Variants in WFS1 observed in about 807,000 individuals in gnomAD.
WFS1 encodes the protein wolframin.
A neutral mutation model predicts 68.5 loss-of-function variants in WFS1; 90 were observed. That is an observed-to-expected ratio of 1.31 (90% CI 1.11 to 1.56). The LOEUF is 1.56. WFS1 is among the 40% of genes most tolerant of loss of function. The pLI is 0.00. For missense variants in WFS1, 1,767 were observed against 1,232.6 expected, an observed-to-expected ratio of 1.43 and a Z score of -6.49; for synonymous variants, 860 against 540.7, an observed-to-expected ratio of 1.59 and a Z score of -8.19.
chr4:6,274,128 G>T (rs535675811), intron 1 of WFS1, among the ~76,000 whole-genome samples: 1 of 151,642 alleles, frequency 6.6e-6, no homozygotes, highest in African/African-American at 2.4e-5. Context: ...CTCACTGCAA[G>T]CTCCATCTCC....
At position 6,300,714 on chromosome 4, in the gene WFS1, G is replaced by C; in HGVS notation, c.919G>C (p.Ala307Pro). Residue 307 changes from alanine to proline, a missense_variant, in exon 8 of 8, where the codon GCC becomes CCC. By Grantham distance (27) the Ala-to-Pro change is conservative. Transcript: ENST00000226760. ...MEIKEYLIDMASRAGMHWLST... is the reference protein window; with the variant it reads ...MEIKEYLIDMPSRAGMHWLST... ...GATCAAGGAGTACCTGATTGACATG[G>C]CCTCCAGGGCAGGCATGCACTGGCT... 1 of 1,614,030 alleles carries C rather than the reference G, an allele frequency of 6.2e-7. No homozygotes were observed. The highest frequency in any genetic ancestry group is 8.5e-7 in the Non-Finnish European group (1 of 1,179,972).
chr4:6,301,934 C>T lies in WFS1; in HGVS notation c.2139C>T (p.Asp713=). Residue 713 remains aspartate (D), a synonymous_variant, in exon 8 of 8, where the codon GAC becomes GAT. Transcript: ENST00000226760. The stretch of plus-strand genomic sequence containing the variant: ...AGTACGTCCGCGTGACTGACATCGA[C>T]AACAGCGCCGAGTCTGCCATCAACA... ...RFKYVRVTDI[D]NSAESAINML... The T allele has an allele frequency of 1.2e-6, 2 of 1,612,924 alleles. No individual in the cohort carries two copies. The highest frequency in any genetic ancestry group is 8.5e-7 in the Non-Finnish European group (1 of 1,179,962).
intron 7 of WFS1, among the ~76,000 whole-genome samples, chr4:6,299,246 T>C (rs1730753741): frequency 6.6e-6 from 1 of 152,204 alleles, no homozygotes; most frequent in Non-Finnish European, 1.5e-5. Context: ...CTTCACCCCA[T>C]CCTGAGGCTG....
intron 6 of WFS1, chr4:6,294,812 G>C (rs1399908533): frequency 5.1e-6 from 3 of 592,854 alleles, no homozygotes; most frequent in Admixed American, 5.5e-5. Flanking sequence ...ACACCCAGGG[G>C]CCGGGGGCCA....
In WFS1 at chr4:6,277,544, C is replaced by T; in HGVS notation, c.89C>T (p.Thr30Ile). 2 of 1,589,720 alleles carry T rather than the reference C, an allele frequency of 1.3e-6. No homozygotes were observed. The highest frequency in any genetic ancestry group is 1.7e-6 in the Non-Finnish European group (2 of 1,168,774). ...QPQARSRLNATASLEQERSER... is the reference protein window; with the variant it reads ...QPQARSRLNAIASLEQERSER... ...CAGGCGCGTTCCCGACTCAATGCCA[C>T]AGCCTCGTTGGAGCAGGAGAGGAGC... is the stretch of plus-strand genomic sequence containing the variant. The change falls in exon 2 of 8, where the codon ACA becomes ATA. Residue 30 changes from threonine (T) to isoleucine (I), a missense_variant. By Grantham distance (89) the Thr-to-Ile change is moderately conservative. Coordinates refer to ENST00000226760, the MANE Select transcript of WFS1 (RefSeq NM_006005.3).
rs765196364 is a variant in WFS1 at position 6,300,914 on chromosome 4, C to A, written c.1119C>A (p.Asn373Lys). ...TCCAGGACAGCAAGGCCTGGGAGAA[C>A]TTCCGCACCCTCACCGACCTGCTGC... Reference protein sequence around the residue: ...KVFQDSKAWENFRTLTDLLLR... With the variant: ...KVFQDSKAWEKFRTLTDLLLR... Residue 373 changes from asparagine (N) to lysine (K), a missense_variant, in exon 8 of 8, where the codon AAC becomes AAA. Asn to Lys is a moderately conservative substitution (Grantham distance 94). Transcript: ENST00000226760. 1.8e-5 allele frequency: 29 copies of A among 1,614,204 alleles called. No homozygotes were observed. The highest frequency in any genetic ancestry group is 2.5e-5 in the Non-Finnish European group (29 of 1,180,030).
intron 2 of WFS1, among the ~76,000 whole-genome samples, chr4:6,279,807 G>A (rs1196258255): frequency 1.3e-5 from 2 of 152,354 alleles, no homozygotes; most frequent in African/African-American, 4.8e-5. Flanking sequence ...CCCCATCTGA[G>A]CTGCTCCTTG....
In WFS1 at chr4:6,277,584, A is replaced by T. The variant is rs566876793; in HGVS notation, c.129A>T (p.Ala43=). The stretch of plus-strand genomic sequence containing the variant: ...AGGAGAGGAGCGAAAGGCCCCGAGC[A>T]CCCGGACCCCAGGCTGGCCCTGGCC... ...LEQERSERPR[A]PGPQAGPGPG... is the part of the protein sequence containing the mutation. The change falls in exon 2 of 8, where the codon GCA becomes GCT. Residue 43 remains alanine, a synonymous_variant. Coordinates refer to ENST00000226760, the MANE Select transcript of WFS1 (RefSeq NM_006005.3). 1.4e-4 allele frequency: 219 copies of T among 1,582,148 alleles called. No individual in the cohort carries two copies. Among genetic ancestry groups the T allele is most frequent in the Non-Finnish European group, 1.8e-4 (214 of 1,164,598 alleles).
In WFS1 at chr4:6,300,824, C is replaced by G; in HGVS notation, c.1029C>G (p.Phe343Leu). ...ACCTCACCATCGACTTCTTCGCCTT[C>G]TTCATCCCGCTGGTCATCTTCTACC... Reference protein sequence around the residue: ...VSNLTIDFFAFFIPLVIFYLS... With the variant: ...VSNLTIDFFALFIPLVIFYLS... The change falls in exon 8 of 8, where the codon TTC becomes TTG. Residue 343 changes from phenylalanine (F) to leucine (L), a missense_variant. Coordinates refer to ENST00000226760, the MANE Select transcript of WFS1 (RefSeq NM_006005.3). 1.2e-6 allele frequency: 2 copies of G among 1,614,062 alleles called. No homozygotes were observed. Among genetic ancestry groups the G allele is most frequent in the Non-Finnish European group, 1.7e-6 (2 of 1,179,946 alleles).
At chr4:6,286,379 C>G (rs1002040806) in intron 2 of WFS1, among the ~76,000 whole-genome samples, 4 of 152,172 alleles carry the variant, frequency 2.6e-5, no homozygotes, top group African/African-American at 9.7e-5. Context: ...TGTGAGGACA[C>G]AGCCAGAAGA....
chr4:6,270,948 C>T (rs1729820732), intron 1 of WFS1, among the ~76,000 whole-genome samples: 1 of 152,186 alleles, frequency 6.6e-6, no homozygotes, highest in Non-Finnish European at 1.5e-5. Flanking sequence ...AGGCCTCTGC[C>T]CTATCTCTCC....
rs572916606 is a variant in WFS1, at chr4:6,286,536, A to C, written c.233-557A>C. On this transcript the variant is annotated intron_variant, in intron 2 of 7. Coordinates refer to ENST00000226760, the MANE Select transcript of WFS1 (RefSeq NM_006005.3). ...ATGGTATTAATATTTTTGTTATAAC[A>C]GCTCGAACAGACTAAGGCATTCACT... Among the ~76,000 whole-genome samples, 9 of 152,358 alleles carry C rather than the reference A, an allele frequency of 5.9e-5. No homozygotes were observed. The East Asian group carries it at 1.5e-3, about 26-fold the overall frequency.
intron 6 of WFS1, among the ~76,000 whole-genome samples, chr4:6,293,074 A>C (rs577407446): frequency 2.0e-5 from 3 of 152,298 alleles, no homozygotes; most frequent in Admixed American, 1.3e-4. Context: ...AGGACCAGAG[A>C]GGCTGTGACA....
At position 6,301,814 on chromosome 4, in the gene WFS1, C is replaced by G; in HGVS notation, c.2019C>G (p.Cys673Trp). ...CCTGGCAGCAGTATGGTGCGCTGTG[C>G]GGGCCACGCGCCTGGAAGGAGACCA... ...TLTWQQYGAL[C>W]GPRAWKETNM... Residue 673 changes from cysteine (C) to tryptophan (W), a missense_variant, in exon 8 of 8, where the codon TGC (cysteine) becomes TGG (tryptophan). Coordinates refer to ENST00000226760, the MANE Select transcript of WFS1 (RefSeq NM_006005.3). 1 of 1,613,024 alleles carries G rather than the reference C, an allele frequency of 6.2e-7. No individual in the cohort carries two copies. The highest frequency in any genetic ancestry group is 8.5e-7 in the Non-Finnish European group (1 of 1,180,020).
At chr4:6,275,860 A>G (rs1729978641) in intron 1 of WFS1, among the ~76,000 whole-genome samples, 1 of 152,194 alleles carries the variant, frequency 6.6e-6, no homozygotes, top group Non-Finnish European at 1.5e-5. Context: ...CTGGCTGCTC[A>G]GTGCCAAGCG....
intron 7 of WFS1, among the ~76,000 whole-genome samples, chr4:6,298,759 T>C (rs1204084415): frequency 6.6e-6 from 1 of 152,244 alleles, no homozygotes; most frequent in African/African-American, 2.4e-5. Flanking sequence ...CCTCCAGAGC[T>C]GATAGCCAGG....
rs765003357 is a variant in WFS1 at position 6,277,503 on chromosome 4, G to A, written c.48G>A (p.Pro16=). The change falls in exon 2 of 8, where the codon CCG becomes CCA. Residue 16 remains proline, a synonymous_variant. Coordinates refer to ENST00000226760, the MANE Select transcript of WFS1 (RefSeq NM_006005.3). ...TGGGCCCCTCCTGCCCACAGCCCCC[G>A]CCAGCACCGCAGCCCCAGGCGCGTT... ...APLGPSCPQP[P]PAPQPQARSR... is the part of the protein sequence containing the mutation. 1.6e-5 allele frequency: 26 copies of A among 1,576,250 alleles called. No individual in the cohort carries two copies. The highest frequency in any genetic ancestry group is 7.4e-5 in the Admixed American group (4 of 54,386).
Position 6,287,198 on chromosome 4 carries a change from G to T in WFS1, c.315+23G>T. The T allele has an allele frequency of 6.5e-7, 1 of 1,548,394 alleles. No homozygotes were observed. Among genetic ancestry groups the T allele is most frequent in the Non-Finnish European group, 8.7e-7 (1 of 1,144,516 alleles). On this transcript the variant is annotated intron_variant, in intron 3 of 7. Transcript: ENST00000226760. This position sits in a 1 kb window ranked among gnomAD's most constrained non-coding sequence, Gnocchi z 6.4. Reference sequence around the variant, plus strand: ...GAGGTGAGGACTGCGGTGCCGGCAGGGACTTCGGGACGCGGCCCCCGGCAC... The same window carrying T: ...GAGGTGAGGACTGCGGTGCCGGCAGTGACTTCGGGACGCGGCCCCCGGCAC...
In WFS1 at chr4:6,302,154, G is replaced by A. The variant is rs571946670; in HGVS notation, c.2359G>A (p.Ala787Thr). 7.9e-5 allele frequency: 127 copies of A among 1,612,958 alleles called. No homozygotes were observed. Among genetic ancestry groups the A allele is most frequent in the Middle Eastern group, 3.3e-4 (2 of 6,062 alleles). Reference protein sequence around the residue: ...ITVGMPFSSGADGSRSREEDD... With the variant: ...ITVGMPFSSGTDGSRSREEDD... ...CGTGGGCATGCCATTCAGCAGCGGC[G>A]CTGACGGCTCGCGCAGCCGCGAGGA... The change falls in exon 8 of 8, where the codon GCT (alanine) becomes ACT (threonine). Residue 787 changes from alanine (A) to threonine (T), a missense_variant. Transcript: ENST00000226760.
Sources: gnomAD v4.1 joint callset for allele counts (sites outside exome capture counted in the v4.1 genomes callset) on GRCh38, gnomAD v4.1.1 for gene constraint, Gnocchi (gnomAD v3.1) non-coding constraint, MANE v1.5 for transcripts, NCBI Gene and HGNC (gene_info 2026-07-23, HGNC 2026-07-21) for gene names.